DSCAM: variants seen among roughly 807,000 people sequenced by gnomAD.
DSCAM encodes the protein DS cell adhesion molecule.
A neutral mutation model predicts 217.7 loss-of-function variants in DSCAM; 47 were observed. The ratio of observed to expected loss-of-function variants is 0.22; its 90% CI spans 0.17 to 0.28. The LOEUF (loss-of-function observed/expected upper bound fraction) is 0.28. Among genes scored for constraint, DSCAM ranks in the 10% least tolerant of loss-of-function variants. The probability of loss-of-function intolerance (pLI) is 1.00; values close to 1 mark genes in which losing one functional copy is unlikely to be tolerated. For synonymous variants in DSCAM, 1,056 were observed against 1,015.3 expected, an observed-to-expected ratio of 1.04 and a Z score of -0.76; for missense variants, 2,080 against 2,618.3, an observed-to-expected ratio of 0.79 and a Z score of 4.49.
intron 16 of DSCAM, among the ~76,000 whole-genome samples, chr21:40,146,146 A>G (rs1400358317): frequency 6.6e-6 from 1 of 152,162 alleles, no homozygotes. Context: ...GAACCTGTAG[A>G]GAACTATGAA....
intron 1 of DSCAM, among the ~76,000 whole-genome samples, chr21:40,835,126 A>T (rs1480375722): frequency 6.6e-6 from 1 of 152,230 alleles, no homozygotes; most frequent in East Asian, 1.9e-4. Flanking sequence ...ATACTGAGTC[A>T]CATTATCTCT....
intron 6 of DSCAM, among the ~76,000 whole-genome samples, chr21:40,345,276 T>C (rs951680128): frequency 1.3e-5 from 2 of 152,304 alleles, no homozygotes; most frequent in South Asian, 2.1e-4. Context: ...GTCCTTTGGG[T>C]GCAGAGTCCT....
intron 1 of DSCAM, among the ~76,000 whole-genome samples, chr21:40,748,353 AT>A (rs895781503): frequency 2.6e-5 from 4 of 151,774 alleles, no homozygotes; most frequent in African/African-American, 7.2e-5. Flanking sequence ...CAAAAAAAAA[AT>A]ATTAGAACTA....
intron 24 of DSCAM, among the ~76,000 whole-genome samples, chr21:40,083,257 C>G (rs912745379): frequency 6.6e-6 from 1 of 152,184 alleles, no homozygotes; most frequent in Admixed American, 6.5e-5. Flanking sequence ...GGCAAAACCC[C>G]GTCTCTAGTA....
At chr21:40,697,803 T>C (rs1408348255) in intron 2 of DSCAM, among the ~76,000 whole-genome samples, 2 of 152,250 alleles carry the variant, frequency 1.3e-5, no homozygotes, top group East Asian at 3.8e-4. Context: ...TTGCTCAGGA[T>C]TGCTTTAGCA....
chr21:40,439,177 G>A (rs1203339981), intron 3 of DSCAM, among the ~76,000 whole-genome samples: 1 of 152,188 alleles, frequency 6.6e-6, no homozygotes, highest in African/African-American at 2.4e-5. Context: ...GAGCTGTTGT[G>A]AGGATTAAGG....
intron 1 of DSCAM, among the ~76,000 whole-genome samples, chr21:40,770,835 A>C (rs907430788): frequency 3.3e-5 from 5 of 152,262 alleles, no homozygotes; most frequent in African/African-American, 1.2e-4. Flanking sequence ...GTCATAACCT[A>C]GCTAGGAAAA....
Position 40,192,354 on chromosome 21 carries a change from T to C in DSCAM, c.2357-3116A>G, listed in dbSNP as rs550130350. Among the ~76,000 whole-genome samples the C allele has an allele frequency of 3.9e-5, 6 of 152,296 alleles. No homozygotes were observed. The East Asian group carries it at 9.7e-4, about 25-fold the overall frequency. On this transcript the variant is annotated intron_variant, in intron 11 of 32. Coordinates refer to ENST00000400454, the MANE Select transcript of DSCAM (RefSeq NM_001389.5). ...GGCCTGGTGGGAGATAATTGAATCA[T>C]AGGGGTGGTTACCTCCATGCTGGTC... is the stretch of plus-strand genomic sequence containing the variant.
intron 3 of DSCAM, among the ~76,000 whole-genome samples, chr21:40,497,627 A>T (rs1026865119): frequency 5.9e-5 from 9 of 152,240 alleles, no homozygotes; most frequent in Non-Finnish European, 7.3e-5. Flanking sequence ...AAGTGTTCTG[A>T]GCATAAAAAT....
At chr21:40,112,501 A>G (rs2089911979) in intron 20 of DSCAM, among the ~76,000 whole-genome samples, 1 of 152,166 alleles carries the variant, frequency 6.6e-6, no homozygotes, top group Non-Finnish European at 1.5e-5. Context: ...ATCACAATTA[A>G]AAGAACTAGA....
At chr21:40,763,002 A>G (rs1469753827) in intron 1 of DSCAM, among the ~76,000 whole-genome samples, 1 of 152,230 alleles carries the variant, frequency 6.6e-6, no homozygotes, top group African/African-American at 2.4e-5. Flanking sequence ...AATGGGCAAA[A>G]GCTGGAAGCG....
At chr21:40,687,906 T>C (rs1025870817) in intron 3 of DSCAM, among the ~76,000 whole-genome samples, 12 of 152,134 alleles carry the variant, frequency 7.9e-5, no homozygotes, top group Non-Finnish European at 1.6e-4. Context: ...GCGTGATCTA[T>C]GATGCCCAGA....
rs1490666344 is a variant in DSCAM, at chr21:40,780,421, G to GTATATATATATATATATATATATA, written c.43+66197_43+66198insTATATATATATATATATATATATA. ...AACGTGTGTGTGTGTGTGTGTGTGT[G>GTATATATATATATATATATATATA]TGTATATATATATATATATATATAT... On this transcript the variant is annotated intron_variant, in intron 1 of 32. Coordinates refer to ENST00000400454, the MANE Select transcript of DSCAM (RefSeq NM_001389.5). Among the ~76,000 whole-genome samples, 69 of 47,996 alleles carry GTATATATATATATATATATATATA rather than the reference G, an allele frequency of 1.4e-3. 1 individual carries two copies. Among genetic ancestry groups the GTATATATATATATATATATATATA allele is most frequent in the Admixed American group, 3.0e-3 (13 of 4,352 alleles). 31.5% of individuals were successfully genotyped at this position (47,996 alleles called of 152,430 possible).
At chr21:40,270,363 G>GT (rs2073598834) in intron 11 of DSCAM, among the ~76,000 whole-genome samples, 1 of 152,214 alleles carries the variant, frequency 6.6e-6, no homozygotes, top group African/African-American at 2.4e-5. Flanking sequence ...AGTTGCAGAC[G>GT]TATCTGGCAA....
intron 20 of DSCAM, among the ~76,000 whole-genome samples, chr21:40,111,831 A>G (rs1448321529): frequency 6.6e-6 from 1 of 152,070 alleles, no homozygotes; most frequent in Non-Finnish European, 1.5e-5. Flanking sequence ...GCCATTACAT[A>G]ATGGTAAAGG....
chr21:40,270,836 G>T (rs1407964674), intron 11 of DSCAM, among the ~76,000 whole-genome samples: 1 of 152,182 alleles, frequency 6.6e-6, no homozygotes, highest in African/African-American at 2.4e-5. Flanking sequence ...CGGGACTGGA[G>T]ATTTCCATTT....
chr21:40,843,392 G>C (rs1373817030), intron 1 of DSCAM, among the ~76,000 whole-genome samples: 1 of 151,916 alleles, frequency 6.6e-6, no homozygotes, highest in Non-Finnish European at 1.5e-5. Context: ...GTGTGTGTGT[G>C]TGTGTGTGTG....
At position 40,055,830 on chromosome 21, in the gene DSCAM, G is replaced by A; in HGVS notation, c.4930C>T (p.Arg1644Trp). 1.9e-6 allele frequency: 3 copies of A among 1,612,554 alleles called. No homozygotes were observed. Among genetic ancestry groups the A allele is most frequent in the Non-Finnish European group, 2.5e-6 (3 of 1,178,668 alleles). The change falls in exon 29 of 33, where the codon CGG becomes TGG. Residue 1644 changes from arginine (R) to tryptophan (W), a missense_variant. By Grantham distance (101) the Arg-to-Trp change is moderately radical (BLOSUM62 -3). Transcript: ENST00000400454. Reference protein sequence around the residue: ...LAEMLMSKNTRTSDTLSKQQQ... With the variant: ...LAEMLMSKNTWTSDTLSKQQQ... The stretch of plus-strand genomic sequence containing the variant: ...TGCTTGCTTAACGTATCTGAAGTCC[G>A]GGTATTCTTACTGGGAATAAAATGG...
At chr21:40,587,696 T>C (rs1482352464) in intron 3 of DSCAM, among the ~76,000 whole-genome samples, 1 of 152,210 alleles carries the variant, frequency 6.6e-6, no homozygotes, top group African/African-American at 2.4e-5. Flanking sequence ...ATAAAATATA[T>C]TGTAAAGGTC....
Sources: allele counts gnomAD v4.1 joint callset (sites outside exome capture counted in the v4.1 genomes callset), GRCh38; gene constraint gnomAD v4.1.1; transcripts MANE v1.5; gene names NCBI Gene and HGNC (gene_info 2026-07-23, HGNC 2026-07-21).